The following STK39 variants were observed in gnomAD, a reference collection of about 807,000 sequenced individuals.
The protein encoded by STK39 is serine/threonine kinase 39, also known as STE20/SPS1-related proline-alanine-rich protein kinase.
STK39 carries 20 observed loss-of-function variants against 77.8 expected under a neutral mutation model. The ratio of observed to expected loss-of-function variants is 0.26; its 90% CI spans 0.18 to 0.37. The LOEUF is 0.37. STK39 is among the 10% of genes least tolerant of loss of function. The pLI is 1.00. For synonymous variants in STK39, 246 were observed against 234.1 expected (o/e 1.05, Z -0.47); for missense variants, 479 against 656.5 (o/e 0.73, Z 2.95).
At position 168,151,485 on chromosome 2, in the gene STK39, C is replaced by T. The variant is rs539943677; in HGVS notation, c.628+10302G>A. On this transcript the variant is annotated intron_variant, in intron 5 of 17. Transcript: ENST00000355999. ...GGGACGGTGGCTCACTCCTGTAATC[C>T]CAGCATTTTGGGAGGCCGAGGCAGT... Among the ~76,000 whole-genome samples, 3 of 152,132 alleles carry T rather than the reference C, an allele frequency of 2.0e-5. No individual in the cohort carries two copies. In the South Asian group the frequency reaches 6.2e-4, roughly 32 times the overall value.
At chr2:167,961,858 C>T (rs1277997412) in intron 17 of STK39, among the ~76,000 whole-genome samples, 1 of 152,184 alleles carries the variant, frequency 6.6e-6, no homozygotes, top group African/African-American at 2.4e-5. Flanking sequence ...ACATTAGGTC[C>T]TAAAACAGGA....
At chr2:168,227,678 T>C (rs1219895174) in intron 1 of STK39, among the ~76,000 whole-genome samples, 1 of 152,164 alleles carries the variant, frequency 6.6e-6, no homozygotes, top group East Asian at 1.9e-4. Flanking sequence ...TTCTTTTTTA[T>C]TTATTTATTT....
intron 1 of STK39, 97 bp downstream of exon 1, chr2:168,247,131 C>A: frequency 4.6e-6 from 4 of 869,746 alleles, no homozygotes; most frequent in Non-Finnish European, 5.6e-6. Flanking sequence ...TCTCTGCCTC[C>A]AGGGCGTGCA....
chr2:168,137,940 T>C, intron 8 of STK39, 148 bp downstream of exon 8: 2 of 1,114,816 alleles, frequency 1.8e-6, no homozygotes, highest in Non-Finnish European at 2.5e-6. Context: ...CGTCTTTCAC[T>C]AACAGGTTGG....
intron 2 of STK39, among the ~76,000 whole-genome samples, chr2:168,176,492 C>A (rs1688959477): frequency 6.6e-6 from 1 of 152,118 alleles, no homozygotes; most frequent in Non-Finnish European, 1.5e-5. Flanking sequence ...CAATAACCCA[C>A]AAATCATAGC....
rs143424609 is a variant in STK39 at position 168,042,371 on chromosome 2, C to T, written c.1376+21129G>A. On this transcript the variant is annotated intron_variant, in intron 14 of 17. Transcript: ENST00000355999. ...TCTGTCCATCTCTCTACGGAAAAGC[C>T]CTCCCTTTAAAAATCATCTTCATAC... 1.2e-4 allele frequency among the ~76,000 whole-genome samples: 19 copies of T among 152,016 alleles called. No homozygotes were observed. The East Asian group carries it at 3.5e-3, about 28-fold the overall frequency.
intron 1 of STK39, among the ~76,000 whole-genome samples, chr2:168,204,655 T>C (rs1014785131): frequency 4.6e-5 from 7 of 152,202 alleles, no homozygotes; most frequent in Non-Finnish European, 8.8e-5. Flanking sequence ...ACAGAAAGTA[T>C]GATTTTCTTT....
chr2:168,048,235 A>AG (rs1243737231), intron 14 of STK39, among the ~76,000 whole-genome samples: 4 of 149,870 alleles, frequency 2.7e-5, no homozygotes, highest in African/African-American at 9.8e-5. Context: ...TTTTTTGAGA[A>AG]GGGGTCTCAT....
At chr2:167,982,360 C>T (rs1204669508) in intron 16 of STK39, among the ~76,000 whole-genome samples, 1 of 152,070 alleles carries the variant, frequency 6.6e-6, no homozygotes, top group Non-Finnish European at 1.5e-5. Context: ...TATTTTCCAC[C>T]CATCTTGGAG....
At chr2:168,094,505 T>C (rs1008522635) in intron 10 of STK39, among the ~76,000 whole-genome samples, 12 of 152,234 alleles carry the variant, frequency 7.9e-5, no homozygotes, top group African/African-American at 2.4e-4. Context: ...CATTCACTCA[T>C]TAATTCTGAC....
chr2:168,162,286 C>CAAAAA (rs5836174), intron 4 of STK39, among the ~76,000 whole-genome samples: 2 of 85,696 alleles, frequency 2.3e-5, no homozygotes, highest in Admixed American at 1.5e-4. Flanking sequence ...AACTTGGTCT[C>CAAAAA]AAAAAAAAAA....
intron 16 of STK39, among the ~76,000 whole-genome samples, chr2:167,985,284 C>G (rs1158417802): frequency 6.6e-6 from 1 of 152,154 alleles, no homozygotes; most frequent in African/African-American, 2.4e-5. Flanking sequence ...AGAAGATAAA[C>G]AAACAACACT....
chr2:168,212,618 A>G (rs73031041), intron 1 of STK39, among the ~76,000 whole-genome samples: 5,998 of 152,346 alleles, frequency 0.039, 376 homozygotes, highest in African/African-American at 0.14. Context: ...ATGCTCCATG[A>G]CTAACCTTAA....
intron 14 of STK39, 74 bp from the exon 15 acceptor site, chr2:168,017,169 T>G: frequency 2.0e-6 from 2 of 1,021,510 alleles, no homozygotes; most frequent in Non-Finnish European, 2.8e-6. Context: ...ATTCAGATTT[T>G]CACAAGATGC....
intron 16 of STK39, among the ~76,000 whole-genome samples, chr2:167,965,999 A>G (rs1340564410): frequency 6.6e-6 from 1 of 152,240 alleles, no homozygotes; most frequent in African/African-American, 2.4e-5. Flanking sequence ...ATTTCTCTTT[A>G]TAAACCATAA....
At chr2:168,031,298 C>A (rs185457026) in intron 14 of STK39, among the ~76,000 whole-genome samples, 5 of 152,256 alleles carry the variant, frequency 3.3e-5, no homozygotes, top group Admixed American at 6.5e-5. Flanking sequence ...AATCTATTTT[C>A]TTTTTAAATC....
chr2:168,129,444 T>C (rs923187807), intron 10 of STK39, 97 bp downstream of exon 10: 10 of 1,340,234 alleles, frequency 7.5e-6, no homozygotes, highest in African/African-American at 4.4e-5. Context: ...CTGAATAGTA[T>C]ATCCTGCATA....
intron 1 of STK39, among the ~76,000 whole-genome samples, chr2:168,204,943 C>A (rs1376979824): frequency 6.6e-6 from 1 of 152,072 alleles, no homozygotes; most frequent in African/African-American, 2.4e-5. Flanking sequence ...TGGTGTAAAC[C>A]AAAAACAATT....
rs116795852 is a variant in STK39 at position 168,195,733 on chromosome 2, T to C, written c.209-13643A>G. On this transcript the variant is annotated intron_variant, in intron 1 of 17. Coordinates refer to ENST00000355999, the MANE Select transcript of STK39 (RefSeq NM_013233.3). ...GATGAGTGTAAGAATTCCACCACTA[T>C]TGGCTGCGCGAGGTGGCTCACGCCT... Among the ~76,000 whole-genome samples the C allele has an allele frequency of 7.9e-3, 1,198 of 152,332 alleles. 8 individuals carry two copies. Among genetic ancestry groups the C allele is most frequent in the Non-Finnish European group, 0.011 (722 of 68,030 alleles).
Sources: allele counts gnomAD v4.1 joint callset (sites outside exome capture counted in the v4.1 genomes callset), GRCh38; gene constraint gnomAD v4.1.1; transcripts MANE v1.5; gene names NCBI Gene and HGNC (gene_info 2026-07-23, HGNC 2026-07-21).